Variants in GNAQ observed in about 807,000 individuals in gnomAD.
The protein encoded by GNAQ is G protein subunit alpha q.
GNAQ carries 8 observed loss-of-function variants against 43.9 expected under a neutral mutation model. The observed-to-expected ratio is 0.18, with a 90% CI of 0.11 to 0.33. The LOEUF (loss-of-function observed/expected upper bound fraction) is 0.33. GNAQ is among the 10% of genes least tolerant of loss of function. The probability of loss-of-function intolerance (pLI) is 1.00; values close to 1 mark genes in which losing one functional copy is unlikely to be tolerated. For synonymous variants in GNAQ, 155 were observed against 170.7 expected, an observed-to-expected ratio of 0.91 and a Z score of 0.71; for missense variants, 158 against 450.8, an observed-to-expected ratio of 0.35 and a Z score of 5.88.
chr9:77,948,293 T>G (rs1443203736), intron 1 of GNAQ, among the ~76,000 whole-genome samples: 1 of 152,248 alleles, frequency 6.6e-6, no homozygotes, highest in South Asian at 2.1e-4. Flanking sequence ...CATTTTAAAC[T>G]GATGAAGAAT....
chr9:77,735,673 T>C (rs1825566757), intron 5 of GNAQ, among the ~76,000 whole-genome samples: 4 of 152,126 alleles, frequency 2.6e-5, no homozygotes, highest in Admixed American at 2.6e-4. Flanking sequence ...CAAACTCCTG[T>C]TGTTGGGGCG....
At chr9:77,995,820 A>T (rs1177310658) in intron 1 of GNAQ, among the ~76,000 whole-genome samples, 1 of 152,192 alleles carries the variant, frequency 6.6e-6, no homozygotes, top group Non-Finnish European at 1.5e-5. Flanking sequence ...GTCAGGCTAC[A>T]GAGAATTTTC....
At chr9:77,933,920 A>G (rs1829191947) in intron 1 of GNAQ, among the ~76,000 whole-genome samples, 1 of 152,170 alleles carries the variant, frequency 6.6e-6, no homozygotes, top group Non-Finnish European at 1.5e-5. Flanking sequence ...AAATTATGGG[A>G]CGCTCTTTTG....
At chr9:77,980,017 C>T (rs2118491142) in intron 1 of GNAQ, among the ~76,000 whole-genome samples, 1 of 152,214 alleles carries the variant, frequency 6.6e-6, no homozygotes, top group South Asian at 2.1e-4. Flanking sequence ...TGAAAATAGA[C>T]AAAGTTACAA....
chr9:78,024,486 C>T (rs1429814876), intron 1 of GNAQ, among the ~76,000 whole-genome samples: 5 of 152,162 alleles, frequency 3.3e-5, no homozygotes, highest in African/African-American at 1.2e-4. Context: ...AGGATCTTTG[C>T]CTTCACGGAG....
chr9:77,984,172 T>G (rs893843973), intron 1 of GNAQ, among the ~76,000 whole-genome samples: 1 of 134,450 alleles, frequency 7.4e-6, no homozygotes, highest in Admixed American at 7.3e-5. Context: ...ATTTTTTTGC[T>G]TTTCTTTTTT....
chr9:77,982,775 A>T (rs974576970), intron 1 of GNAQ, among the ~76,000 whole-genome samples: 2 of 151,654 alleles, frequency 1.3e-5, no homozygotes, highest in Non-Finnish European at 2.9e-5. Flanking sequence ...GAAGGGGAAC[A>T]TCACACACCA....
intron 1 of GNAQ, among the ~76,000 whole-genome samples, chr9:77,990,108 TAAG>T (rs1823490099): frequency 6.6e-6 from 1 of 152,248 alleles, no homozygotes; most frequent in Non-Finnish European, 1.5e-5. Flanking sequence ...GTATTCTTGA[TAAG>T]AAGAAGGTTG....
chr9:77,907,997 C>T (rs1828739142), intron 2 of GNAQ, among the ~76,000 whole-genome samples: 1 of 152,126 alleles, frequency 6.6e-6, no homozygotes, highest in Non-Finnish European at 1.5e-5. Context: ...GGGCTTAATC[C>T]AGCCCCATAA....
At chr9:77,788,022 A>T (rs1016729088) in intron 5 of GNAQ, among the ~76,000 whole-genome samples, 11 of 152,280 alleles carry the variant, frequency 7.2e-5, no homozygotes, top group African/African-American at 2.2e-4. Flanking sequence ...CAAGAGTGAA[A>T]CTCTGTCTCA....
chr9:77,751,042 G>A (rs1047844002), intron 5 of GNAQ, among the ~76,000 whole-genome samples: 2 of 152,150 alleles, frequency 1.3e-5, no homozygotes, highest in African/African-American at 4.8e-5. Flanking sequence ...CCCTTTTGGT[G>A]TATTCCTTTA....
At chr9:77,993,761 A>G (rs1050767839) in intron 1 of GNAQ, among the ~76,000 whole-genome samples, 1 of 152,190 alleles carries the variant, frequency 6.6e-6, no homozygotes, top group Non-Finnish European at 1.5e-5. Context: ...TACTCACAAT[A>G]TTGCTTGAAA....
intron 4 of GNAQ, 121 bp from the exon 5 acceptor site, chr9:77,794,713 G>T: frequency 1.9e-6 from 1 of 537,088 alleles, no homozygotes; most frequent in Non-Finnish European, 3.3e-6. Context: ...GATCATCCAA[G>T]TCAATTCAAT....
intron 2 of GNAQ, among the ~76,000 whole-genome samples, chr9:77,821,529 G>C (rs1827112532): frequency 6.6e-6 from 1 of 152,002 alleles, no homozygotes; most frequent in Admixed American, 6.6e-5. Context: ...GACATTGTAG[G>C]TCAGATGCTT....
intron 5 of GNAQ, among the ~76,000 whole-genome samples, chr9:77,785,561 G>A (rs969411160): frequency 3.3e-5 from 5 of 152,162 alleles, no homozygotes; most frequent in Non-Finnish European, 5.9e-5. Context: ...GTGGCAGATG[G>A]TGACTACATG....
intron 2 of GNAQ, among the ~76,000 whole-genome samples, chr9:77,853,987 T>C (rs1385145727): frequency 2.0e-5 from 3 of 151,950 alleles, no homozygotes; most frequent in Admixed American, 2.0e-4. Flanking sequence ...AAAAAATGAG[T>C]TAGGGGCTCA....
At position 77,762,122 on chromosome 9, in the gene GNAQ, T is replaced by TGG. The variant is rs1242661904; in HGVS notation, c.735+32339_735+32340dup. Among the ~76,000 whole-genome samples the TGG allele has an allele frequency of 2.5e-3, 227 of 89,220 alleles. 1 individual carries two copies. The highest frequency in any genetic ancestry group is 9.8e-3 in the African/African-American group (215 of 21,856). 58.5% of individuals were successfully genotyped at this position (89,220 alleles called of 152,430 possible). On this transcript the variant is annotated intron_variant, in intron 5 of 6. Transcript: ENST00000286548. Reference sequence around the variant, plus strand: ...CCAGCCGCCCCATCCGGGAGGGAGGTGGGGGGTCAGCCCCCTGCCCGGCCA... The same window carrying TGG: ...CCAGCCGCCCCATCCGGGAGGGAGGTGGGGGGGGTCAGCCCCCTGCCCGGCCA...
At chr9:77,755,015 G>A (rs1169562186) in intron 5 of GNAQ, among the ~76,000 whole-genome samples, 1 of 152,172 alleles carries the variant, frequency 6.6e-6, no homozygotes, top group Non-Finnish European at 1.5e-5. Flanking sequence ...TAAAGAAAAT[G>A]TGATACATAT....
chr9:77,931,858 T>C (rs1829158107), intron 1 of GNAQ, among the ~76,000 whole-genome samples: 1 of 152,058 alleles, frequency 6.6e-6, no homozygotes, highest in Non-Finnish European at 1.5e-5. Context: ...AAGCAGTACC[T>C]GGTAGGAAAT....
Sources: gnomAD v4.1 joint callset for allele counts (sites outside exome capture counted in the v4.1 genomes callset) on GRCh38, gnomAD v4.1.1 for gene constraint, MANE v1.5 for transcripts, NCBI Gene and HGNC (gene_info 2026-07-23, HGNC 2026-07-21) for gene names.